The following MEMO1 variants were observed in gnomAD, a reference collection of about 807,000 sequenced individuals.
MEMO1 encodes mediator of cell motility 1.
MEMO1 carries 6 observed loss-of-function variants against 45.2 expected under a neutral mutation model. The ratio of observed to expected loss-of-function variants is 0.13; its 90% CI spans 0.07 to 0.26. The LOEUF is 0.26. Ranked by LOEUF, MEMO1 falls within the 10% of genes least tolerant of loss-of-function variation. MEMO1 has a pLI of 1.00. For missense variants in MEMO1, 184 were observed against 370.5 expected (o/e 0.50, Z 4.13); for synonymous variants, 78 against 124.3 (o/e 0.63, Z 2.48).
At chr2:31,894,299 G>C (rs1171999184) in intron 6 of MEMO1, among the ~76,000 whole-genome samples, 1 of 152,094 alleles carries the variant, frequency 6.6e-6, no homozygotes, top group African/African-American at 2.4e-5. Flanking sequence ...CTCCACTGAG[G>C]TATAAGTTCC....
At chr2:31,983,056 C>T (rs1008791732) in intron 2 of MEMO1, among the ~76,000 whole-genome samples, 9 of 151,012 alleles carry the variant, frequency 6.0e-5, no homozygotes, top group Admixed American at 6.6e-5. Context: ...CTCGCCAGCA[C>T]GGTGAAACCC....
intron 1 of MEMO1, among the ~76,000 whole-genome samples, chr2:32,010,725 G>T (rs1238197192): frequency 6.7e-6 from 1 of 149,248 alleles, no homozygotes; most frequent in Non-Finnish European, 1.5e-5. Context: ...CCCCCGGCAG[G>T]GCCCTCCAGC....
chr2:31,958,275 C>G (rs1263010009), intron 2 of MEMO1, among the ~76,000 whole-genome samples: 1 of 151,928 alleles, frequency 6.6e-6, no homozygotes, highest in Non-Finnish European at 1.5e-5. Flanking sequence ...GGTGCTTGAG[C>G]ATGACTGAGG....
At chr2:31,987,360 G>A (rs988644606) in intron 2 of MEMO1, among the ~76,000 whole-genome samples, 1 of 152,048 alleles carries the variant, frequency 6.6e-6, no homozygotes, top group Non-Finnish European at 1.5e-5. Flanking sequence ...AGACTAGGAA[G>A]GATAGGTAGG....
At chr2:31,953,549 G>A (rs753720747) in intron 2 of MEMO1, among the ~76,000 whole-genome samples, 14 of 151,150 alleles carry the variant, frequency 9.3e-5, no homozygotes, top group Non-Finnish European at 1.8e-4. Context: ...TCCGCCTCCC[G>A]GGTTCAAGCA....
chr2:31,898,209 A>G (rs1382807898), intron 6 of MEMO1, among the ~76,000 whole-genome samples: 1 of 150,096 alleles, frequency 6.7e-6, no homozygotes, highest in African/African-American at 2.4e-5. Flanking sequence ...TCGTGTCTCT[A>G]TCTCCTTCAG....
intron 8 of MEMO1, among the ~76,000 whole-genome samples, chr2:31,878,943 T>C (rs779430576): frequency 1.3e-5 from 2 of 148,524 alleles, no homozygotes; most frequent in Non-Finnish European, 2.9e-5. Context: ...ACGAGAATCA[T>C]ATAGCTGATA....
At chr2:32,009,522 C>G (rs1179637580) in intron 2 of MEMO1, among the ~76,000 whole-genome samples, 2 of 152,218 alleles carry the variant, frequency 1.3e-5, no homozygotes, top group Admixed American at 6.5e-5. Flanking sequence ...TCACTCCCTG[C>G]AAGACAGCGG....
At chr2:31,992,757 C>T (rs1347022569) in intron 2 of MEMO1, among the ~76,000 whole-genome samples, 1 of 151,806 alleles carries the variant, frequency 6.6e-6, no homozygotes, top group Non-Finnish European at 1.5e-5. Flanking sequence ...GCACTCCAGC[C>T]TGGGTGACAG....
chr2:31,945,352 A>G (rs1217521753), intron 2 of MEMO1, among the ~76,000 whole-genome samples: 1 of 152,184 alleles, frequency 6.6e-6, no homozygotes, highest in South Asian at 2.1e-4. Context: ...TCCTATGAAC[A>G]TATGTTAACA....
At chr2:31,930,521 C>T (rs1664018691) in intron 4 of MEMO1, among the ~76,000 whole-genome samples, 1 of 152,142 alleles carries the variant, frequency 6.6e-6, no homozygotes, top group Non-Finnish European at 1.5e-5. Context: ...CCCATCAGCA[C>T]AGGAGTTTTA....
intron 4 of MEMO1, among the ~76,000 whole-genome samples, chr2:31,922,021 C>T (rs1013289840): frequency 6.6e-6 from 1 of 152,080 alleles, no homozygotes; most frequent in Non-Finnish European, 1.5e-5. Context: ...TTTCTCTGTT[C>T]TCCAAAATTC....
At chr2:31,979,549 T>C (rs914487934) in intron 2 of MEMO1, among the ~76,000 whole-genome samples, 1 of 152,158 alleles carries the variant, frequency 6.6e-6, no homozygotes, top group Non-Finnish European at 1.5e-5. Context: ...GAATCTGCTA[T>C]GGATAAACAG....
Position 31,969,578 on chromosome 2 carries a change from TGTGTGTGG to T in MEMO1, c.62-26203_62-26196del, listed in dbSNP as rs1331763879. On this transcript the variant is annotated intron_variant, in intron 2 of 9. Coordinates refer to ENST00000404530, the MANE Select transcript of MEMO1 (RefSeq NM_001301833.4). ...ACTTTCTAAATCTTTTCTGGGGGTG[TGTGTGTGG>T]GTGTGTGTGTGTGTGTGTGTGTGTG... 4.2e-3 allele frequency among the ~76,000 whole-genome samples: 434 copies of T among 102,140 alleles called. 2 individuals are homozygous for T. Among genetic ancestry groups the T allele is most frequent in the Middle Eastern group, 0.011 (2 of 186 alleles). 67.0% of individuals were successfully genotyped at this position (102,140 alleles called of 152,430 possible).
intron 6 of MEMO1, among the ~76,000 whole-genome samples, chr2:31,905,372 T>C (rs1034645039): frequency 6.6e-6 from 1 of 152,252 alleles, no homozygotes; most frequent in Admixed American, 6.5e-5. Flanking sequence ...TATAAATCTT[T>C]ACTGTTTGAT....
intron 2 of MEMO1, chr2:31,963,116 A>G: frequency 4.1e-6 from 6 of 1,475,532 alleles, no homozygotes; most frequent in Non-Finnish European, 5.4e-6. Context: ...TCAGTCTCTA[A>G]CTACACCATT....
intron 2 of MEMO1, among the ~76,000 whole-genome samples, chr2:31,950,952 T>C (rs937929913): frequency 6.6e-6 from 1 of 152,192 alleles, no homozygotes; most frequent in African/African-American, 2.4e-5. Flanking sequence ...TTCATACCAT[T>C]AAGAGAATTC....
chr2:31,949,932 A>G (rs947900483), intron 2 of MEMO1, among the ~76,000 whole-genome samples: 2 of 152,164 alleles, frequency 1.3e-5, no homozygotes, highest in Non-Finnish European at 2.9e-5. Context: ...AATAAAAATT[A>G]AAAATTAAAA....
chr2:32,003,036 ATAGTCTTTCCAAAGAGAAATATTTTTAT>A (rs1673605273), intron 2 of MEMO1, among the ~76,000 whole-genome samples: 1 of 152,220 alleles, frequency 6.6e-6, no homozygotes, highest in South Asian at 2.1e-4. Context: ...ATTTTATTAT[ATAGTCTTTCCAAAGAGAAATATTTTTAT>A]TATTCAGTTT....
Sources: gnomAD v4.1 joint callset for allele counts (sites outside exome capture counted in the v4.1 genomes callset) on GRCh38, gnomAD v4.1.1 for gene constraint, MANE v1.5 for transcripts, NCBI Gene and HGNC (gene_info 2026-07-23, HGNC 2026-07-21) for gene names.